AFAP1L1: variants seen among roughly 807,000 people sequenced by gnomAD.
AFAP1L1 encodes actin filament associated protein 1 like 1, also known as actin filament-associated protein 1-like 1.
In AFAP1L1, 77 loss-of-function variants were observed where a neutral mutation model predicts 99.8. The ratio of observed to expected loss-of-function variants is 0.77; its 90% CI spans 0.64 to 0.93. The LOEUF (loss-of-function observed/expected upper bound fraction) is 0.93. Ranked by LOEUF, AFAP1L1 falls within the 40% of genes least tolerant of loss-of-function variation. AFAP1L1 has a pLI of 0.00. For missense variants in AFAP1L1, 893 were observed against 996.8 expected (o/e 0.90, Z 1.40); for synonymous variants, 373 against 395.3 (o/e 0.94, Z 0.67).
chr5:149,295,408 C>T (rs907543342), intron 1 of AFAP1L1, among the ~76,000 whole-genome samples: 1 of 152,142 alleles, frequency 6.6e-6, no homozygotes, highest in Non-Finnish European at 1.5e-5. Flanking sequence ...ACTTTAGAAA[C>T]GACTATAGCA....
At chr5:149,315,967 T>C in intron 10 of AFAP1L1, 53 bp downstream of exon 10, 2 of 1,606,460 alleles carry the variant, frequency 1.2e-6, no homozygotes, top group African/African-American at 1.3e-5. Flanking sequence ...GGCCGGGCCT[T>C]GCCCATGGGC....
At chr5:149,313,032 G>A (rs1426922879) in intron 9 of AFAP1L1, among the ~76,000 whole-genome samples, 4 of 151,448 alleles carry the variant, frequency 2.6e-5, no homozygotes, top group Non-Finnish European at 4.4e-5. Flanking sequence ...GAGGCTGAGG[G>A]AGGAGAATTG....
chr5:149,291,210 G>A (rs1033387588), intron 1 of AFAP1L1, among the ~76,000 whole-genome samples: 1 of 152,154 alleles, frequency 6.6e-6, no homozygotes, highest in African/African-American at 2.4e-5. Context: ...GTGAGGAACA[G>A]AGCGTGAGGA....
At chr5:149,300,998 G>A in intron 3 of AFAP1L1, 135 bp from the exon 4 acceptor site, 1 of 656,366 alleles carries the variant, frequency 1.5e-6, no homozygotes. Context: ...AAAGTCATTT[G>A]TTTAGGGTTA....
intron 1 of AFAP1L1, 90 bp downstream of exon 1, chr5:149,272,074 A>G: frequency 1.3e-6 from 1 of 775,060 alleles, no homozygotes. Context: ...GGAGGGAGAG[A>G]GGCGGGCGGT....
rs923875874 is a variant in AFAP1L1 at position 149,282,048 on chromosome 5, C to T, written c.16+10064C>T. ...CAAAGGAGGCTGAGCCGGGAGGGCC[C>T]GGCCGGGGTCTATCCTCCATCTACA... On this transcript the variant is annotated intron_variant, in intron 1 of 18. Transcript: ENST00000296721. 3.9e-5 allele frequency among the ~76,000 whole-genome samples: 6 copies of T among 152,168 alleles called. No homozygotes were observed. In the East Asian group the frequency reaches 5.8e-4, roughly 15 times the overall value.
chr5:149,302,242 T>C (rs551317073), intron 4 of AFAP1L1, among the ~76,000 whole-genome samples, 176 bp from the exon 5 acceptor site: 1 of 152,132 alleles, frequency 6.6e-6, no homozygotes, highest in Admixed American at 6.5e-5. Flanking sequence ...AAAATTGGGG[T>C]AAGAATCACT....
At chr5:149,336,830 TA>T (rs1285540553) in intron 18 of AFAP1L1, among the ~76,000 whole-genome samples, 1 of 152,202 alleles carries the variant, frequency 6.6e-6, no homozygotes, top group Non-Finnish European at 1.5e-5. Flanking sequence ...CATTAGGGAT[TA>T]AATTTCAACA....
chr5:149,281,496 T>C (rs887484971), intron 1 of AFAP1L1, among the ~76,000 whole-genome samples: 10 of 152,324 alleles, frequency 6.6e-5, no homozygotes, highest in African/African-American at 2.4e-4. Flanking sequence ...TGTTGAAATA[T>C]CTGTTTTATG....
At position 149,307,666 on chromosome 5, in the gene AFAP1L1, G is replaced by A. The variant is rs151277534; in HGVS notation, c.747+53G>A. 6.9e-5 allele frequency: 107 copies of A among 1,549,372 alleles called. No individual in the cohort carries two copies. The African/African-American group carries it at 1.3e-3, about 19-fold the overall frequency. ...TCGGCCTCACATGGACTTGCATGTG[G>A]GTGTGTCTCTACATACATGTGGATA... On this transcript the variant is annotated intron_variant, in intron 7 of 18. Transcript: ENST00000296721.
At chr5:149,333,013 A>T in intron 17 of AFAP1L1, 140 bp downstream of exon 17, 1 of 1,197,330 alleles carries the variant, frequency 8.4e-7, no homozygotes, top group Non-Finnish European at 1.1e-6. Context: ...AAAGAGGTGA[A>T]GGGCATGCCA....
At chr5:149,294,229 A>G (rs1390307225) in intron 1 of AFAP1L1, among the ~76,000 whole-genome samples, 6 of 152,134 alleles carry the variant, frequency 3.9e-5, no homozygotes, top group African/African-American at 1.4e-4. Flanking sequence ...GGCCTAGCAA[A>G]TTAGACTTTC....
intron 18 of AFAP1L1, among the ~76,000 whole-genome samples, chr5:149,337,470 G>C (rs148712145): frequency 6.6e-6 from 1 of 152,268 alleles, no homozygotes; most frequent in African/African-American, 2.4e-5. Context: ...CTCCAATTTC[G>C]TTCATTCAAG....
intron 1 of AFAP1L1, among the ~76,000 whole-genome samples, chr5:149,280,583 C>A (rs1358614961): frequency 6.6e-6 from 1 of 152,056 alleles, no homozygotes; most frequent in Admixed American, 6.5e-5. Context: ...TGCTCAAATA[C>A]CTGCTTCTAG....
intron 1 of AFAP1L1, among the ~76,000 whole-genome samples, chr5:149,278,855 C>G (rs1755424269): frequency 6.6e-6 from 1 of 152,194 alleles, no homozygotes; most frequent in African/African-American, 2.4e-5. Context: ...CTCCCCTGAT[C>G]TCCTGACCAC....
intron 1 of AFAP1L1, among the ~76,000 whole-genome samples, chr5:149,294,214 G>A (rs573792096): frequency 6.6e-6 from 1 of 152,148 alleles, no homozygotes; most frequent in Non-Finnish European, 1.5e-5. Flanking sequence ...CCTGGATCCA[G>A]GACAGGCCTA....
At chr5:149,332,902 C>T in intron 17 of AFAP1L1, 29 bp downstream of exon 17, 1 of 1,530,356 alleles carries the variant, frequency 6.5e-7, no homozygotes, top group Non-Finnish European at 8.8e-7. Flanking sequence ...ATGCCAGGGG[C>T]AGCTACTCCT....
At position 149,340,278 on chromosome 5, in the gene AFAP1L1, C is replaced by T; in HGVS notation, c.*248C>T. 2.1e-6 allele frequency: 1 copy of T among 484,392 alleles called. No homozygotes were observed. 30.0% of individuals were successfully genotyped at this position (484,392 alleles called of 1,614,324 possible). On this transcript the variant is annotated 3_prime_UTR_variant, in exon 19 of 19. Coordinates refer to ENST00000296721, the MANE Select transcript of AFAP1L1 (RefSeq NM_152406.4). ...GGGTGGAAATGAGGATGGAGGGATA[C>T]AGAAGTCTGCACAGCTGTAAAGGTT...
intron 15 of AFAP1L1, among the ~76,000 whole-genome samples, chr5:149,328,053 C>T (rs561068261): frequency 3.9e-5 from 6 of 152,108 alleles, no homozygotes; most frequent in Non-Finnish European, 5.9e-5. Flanking sequence ...AAGAGAAAAT[C>T]AGGTCATCAT....
Sources: allele counts gnomAD v4.1 joint callset (sites outside exome capture counted in the v4.1 genomes callset), GRCh38; gene constraint gnomAD v4.1.1; transcripts MANE v1.5; gene names NCBI Gene and HGNC (gene_info 2026-07-23, HGNC 2026-07-21).